Variants in USH2A observed in about 807,000 individuals in gnomAD.
USH2A encodes the protein Usher syndrome 2A (autosomal recessive, mild).
Under a neutral mutation model 538.9 loss-of-function variants are expected in USH2A, and 443 were observed. The ratio of observed to expected loss-of-function variants is 0.82; its 90% CI spans 0.76 to 0.89. USH2A has a LOEUF of 0.89. Ranked by LOEUF, USH2A falls within the 40% of genes least tolerant of loss-of-function variation. The pLI, the probability that USH2A is intolerant of heterozygous loss-of-function variation, is 0.00. For synonymous variants in USH2A, 2,413 were observed against 2,273.5 expected, an observed-to-expected ratio of 1.06 and a Z score of -1.75; for missense variants, 6,633 against 6,324.8, an observed-to-expected ratio of 1.05 and a Z score of -1.65.
rs769798493 is a variant in USH2A at position 215,782,155 on chromosome 1, G to A, written c.10627C>T (p.Arg3543Cys). Residue 3543 changes from arginine to cysteine, a missense_variant, in exon 54 of 72, where the codon CGT (arginine) becomes TGT (cysteine). Arg to Cys is a radical substitution (Grantham distance 180). Coordinates refer to ENST00000307340, the MANE Select transcript of USH2A (RefSeq NM_206933.4). ...AAGCTCAGTGATGTTCCCCGAAAAC[G>A]TTCAATTCCATTTCGAAGAAGGATG... ...YYILLRNGIE[R>C]FRGTSLSFSD... 27 of 1,613,782 alleles carry A rather than the reference G, an allele frequency of 1.7e-5. No individual in the cohort carries two copies. The East Asian group carries it at 2.0e-4, about 12-fold the overall frequency.
intron 55 of USH2A, among the ~76,000 whole-genome samples, chr1:215,777,925 T>A (rs1355425075): frequency 6.6e-6 from 1 of 152,178 alleles, no homozygotes; most frequent in East Asian, 1.9e-4. Context: ...AAGCACCACA[T>A]AGAAGTAAGG....
intron 32 of USH2A, among the ~76,000 whole-genome samples, chr1:216,009,023 C>T (rs1483015632): frequency 1.3e-5 from 2 of 152,020 alleles, no homozygotes; most frequent in African/African-American, 4.8e-5. Flanking sequence ...GGGGGAGGGG[C>T]AAATATCCCA....
At chr1:215,794,395 GAGAGAGGCCAGGCTT>G (rs1662066784) in intron 50 of USH2A, among the ~76,000 whole-genome samples, 1 of 152,200 alleles carries the variant, frequency 6.6e-6, no homozygotes, top group Non-Finnish European at 1.5e-5. Context: ...GCCAGGCAGC[GAGAGAGGCCAGGCTT>G]AGGAACGATA....
At chr1:216,250,833 G>T in intron 12 of USH2A, 70 bp downstream of exon 12, 3 of 1,543,228 alleles carry the variant, frequency 1.9e-6, no homozygotes, top group South Asian at 1.2e-5. Flanking sequence ...CTTCAGTTAA[G>T]AAATCAAATA....
intron 58 of USH2A, among the ~76,000 whole-genome samples, chr1:215,757,765 G>A (rs905042615): frequency 6.6e-6 from 1 of 152,096 alleles, no homozygotes; most frequent in Non-Finnish European, 1.5e-5. Context: ...ACCCAATAAT[G>A]ACTAAATGGC....
intron 4 of USH2A, among the ~76,000 whole-genome samples, chr1:216,362,681 G>A (rs953713426): frequency 5.9e-5 from 9 of 151,752 alleles, no homozygotes; most frequent in Non-Finnish European, 1.2e-4. Flanking sequence ...GGTGGCTCAC[G>A]CCTGTAATCC....
In USH2A at chr1:216,083,440, A is replaced by C. The variant is rs1292055780; in HGVS notation, c.5298+16T>G. On this transcript the variant is annotated intron_variant, in intron 26 of 71. Transcript: ENST00000307340. ...CCTATATTTTAAAGTAATTTTAATC[A>C]AATTAATTCACATACAGCAAGAAAA... 6.2e-7 allele frequency: 1 copy of C among 1,608,346 alleles called. No individual in the cohort carries two copies. The highest frequency in any genetic ancestry group is 8.5e-7 in the Non-Finnish European group (1 of 1,177,706).
Position 215,640,601 on chromosome 1 carries a change from G to A in USH2A, c.14925C>T (p.Ser4975=), listed in dbSNP as rs1158136623. 17 of 1,613,658 alleles carry A rather than the reference G, an allele frequency of 1.1e-5. No homozygotes were observed. In the Admixed American group the frequency reaches 2.2e-4, roughly 21 times the overall value. The change falls in exon 68 of 72, where the codon AGC becomes AGT. Residue 4975 remains serine, a synonymous_variant. Transcript: ENST00000307340. The stretch of plus-strand genomic sequence containing the variant: ...GTATGTAGAGGGTGGTGTCCAAGCC[G>A]CTGTACACGCGTCGCCCTCCGTCGG... ...VLTDGGRRVY[S]GLDTTLYIPR...
rs766403751 is a variant in USH2A, at chr1:215,878,820, T to C, written c.8502A>G (p.Glu2834=). Residue 2834 remains glutamate (E), a synonymous_variant, in exon 42 of 72, where the codon GAA becomes GAG. Transcript: ENST00000307340. Reference sequence around the variant, plus strand: ...GTTGCCAAGAAATCACAACATATGATTCACTTAGTGGAATCACAGACAATG... The same window carrying C: ...GTTGCCAAGAAATCACAACATATGACTCACTTAGTGGAATCACAGACAATG... ...VGPLSVIPLS[E]SYVVISWQPP... The C allele has an allele frequency of 6.2e-7, 1 of 1,614,040 alleles. No individual in the cohort carries two copies.
chr1:216,189,165 C>A (rs1479016718), intron 20 of USH2A, among the ~76,000 whole-genome samples: 2 of 151,656 alleles, frequency 1.3e-5, no homozygotes, highest in Admixed American at 6.6e-5. Flanking sequence ...ATTTAGTAAA[C>A]CATAATTTCT....
intron 3 of USH2A, among the ~76,000 whole-genome samples, chr1:216,389,281 C>T (rs770495206): frequency 2.6e-5 from 4 of 152,016 alleles, no homozygotes; most frequent in African/African-American, 4.8e-5. Context: ...TAAATGCTGC[C>T]ACTTTTTAAA....
intron 3 of USH2A, among the ~76,000 whole-genome samples, chr1:216,371,160 C>G (rs1482909003): frequency 3.3e-5 from 5 of 152,168 alleles, no homozygotes; most frequent in Admixed American, 6.5e-5. Flanking sequence ...CTTATAACTT[C>G]AGTTCACAAG....
intron 21 of USH2A, among the ~76,000 whole-genome samples, chr1:216,150,756 A>T (rs2033814753): frequency 6.6e-6 from 1 of 152,090 alleles, no homozygotes; most frequent in Non-Finnish European, 1.5e-5. Flanking sequence ...GACCTCTCAC[A>T]ACACAAACTA....
At chr1:215,785,666 T>C (rs1558097057) in intron 52 of USH2A, among the ~76,000 whole-genome samples, 1 of 152,138 alleles carries the variant, frequency 6.6e-6, no homozygotes, top group Non-Finnish European at 1.5e-5. Flanking sequence ...ATAAAAAAAT[T>C]AAAGTACCTA....
chr1:215,972,435 G>A (rs921366361), intron 35 of USH2A, among the ~76,000 whole-genome samples: 3 of 152,144 alleles, frequency 2.0e-5, no homozygotes, highest in Non-Finnish European at 4.4e-5. Flanking sequence ...GTAAGCACCA[G>A]CTCCTGTCAA....
At chr1:216,002,436 G>A (rs1165401485) in intron 32 of USH2A, among the ~76,000 whole-genome samples, 6 of 152,214 alleles carry the variant, frequency 3.9e-5, no homozygotes, top group Middle Eastern at 6.8e-3. Context: ...TCTAAGTCCC[G>A]TTGCAGGAGC....
intron 30 of USH2A, among the ~76,000 whole-genome samples, chr1:216,064,688 C>CTG (rs947641082): frequency 8.5e-5 from 13 of 152,058 alleles, no homozygotes; most frequent in African/African-American, 3.1e-4. Context: ...GTGTTTTGAT[C>CTG]TGTTTAGATA....
chr1:216,351,352 C>A (rs1015886724), intron 4 of USH2A, among the ~76,000 whole-genome samples: 2 of 152,024 alleles, frequency 1.3e-5, no homozygotes, highest in South Asian at 2.1e-4. Flanking sequence ...ATTGAGCAGA[C>A]CTAATCAGGT....
At chr1:216,045,861 C>G (rs2030492478) in intron 32 of USH2A, among the ~76,000 whole-genome samples, 1 of 152,094 alleles carries the variant, frequency 6.6e-6, no homozygotes, top group African/African-American at 2.4e-5. Context: ...AACATGAGCA[C>G]TTTTCCATAT....
Sources: allele counts gnomAD v4.1 joint callset (sites outside exome capture counted in the v4.1 genomes callset), GRCh38; gene constraint gnomAD v4.1.1; transcripts MANE v1.5; gene names NCBI Gene and HGNC (gene_info 2026-07-23, HGNC 2026-07-21).